Variants in ASIC2 observed in about 807,000 individuals in gnomAD.
ASIC2 encodes the protein acid-sensing ion channel 2.
Under a neutral mutation model 57.3 loss-of-function variants are expected in ASIC2, and 25 were observed. That is an observed-to-expected ratio of 0.44 (90% CI 0.32 to 0.61). The LOEUF (loss-of-function observed/expected upper bound fraction) is 0.61. Ranked by LOEUF, ASIC2 falls within the 20% of genes least tolerant of loss-of-function variation. ASIC2 has a pLI of 0.06. For synonymous variants in ASIC2, 319 were observed against 307.5 expected, an observed-to-expected ratio of 1.04 and a Z score of -0.39; for missense variants, 641 against 738.1, an observed-to-expected ratio of 0.87 and a Z score of 1.52.
At chr17:33,107,568 C>G (rs558413100) in intron 2 of ASIC2, among the ~76,000 whole-genome samples, 1 of 152,124 alleles carries the variant, frequency 6.6e-6, no homozygotes, top group Admixed American at 6.5e-5. Flanking sequence ...ATCACGGTGC[C>G]CCACATGAAG....
At chr17:33,088,573 A>AG (rs1023750693) in intron 3 of ASIC2, among the ~76,000 whole-genome samples, 15 of 152,060 alleles carry the variant, frequency 9.9e-5, no homozygotes, top group Admixed American at 3.3e-4. Context: ...AAAAAAAAAA[A>AG]ATTTTTTTTA....
chr17:33,748,538 C>T (rs1357508594), intron 1 of ASIC2, among the ~76,000 whole-genome samples: 1 of 152,128 alleles, frequency 6.6e-6, no homozygotes, highest in Non-Finnish European at 1.5e-5. Context: ...AAACAGAAAC[C>T]CAGACCCCAA....
In ASIC2 at chr17:33,955,802, T is replaced by C. The variant is rs549845873; in HGVS notation, c.555+200176A>G. ...AATAATCCCAACTGCTTATGTTTTT[T>C]CCTCCAGCCCAAGGGACAGTGGATG... On this transcript the variant is annotated intron_variant, in intron 1 of 9. Coordinates refer to the ASIC2 transcript ENST00000359872. Among the ~76,000 whole-genome samples the C allele has an allele frequency of 5.3e-5, 8 of 152,310 alleles. No individual in the cohort carries two copies. The South Asian group carries it at 6.2e-4, about 12-fold the overall frequency.
intron 1 of ASIC2, among the ~76,000 whole-genome samples, chr17:33,720,291 G>A (rs1909347734): frequency 6.6e-6 from 1 of 152,200 alleles, no homozygotes; most frequent in African/African-American, 2.4e-5. Flanking sequence ...TAAGAAGGCA[G>A]GAGGCTTTGA....
intron 1 of ASIC2, among the ~76,000 whole-genome samples, chr17:34,106,530 T>C (rs2142105840): frequency 6.6e-6 from 1 of 152,284 alleles, no homozygotes; most frequent in East Asian, 1.9e-4. Flanking sequence ...TGTATGCACC[T>C]ATTTATCAAT....
intron 1 of ASIC2, among the ~76,000 whole-genome samples, chr17:33,492,517 A>G (rs569456546): frequency 2.2e-3 from 329 of 152,370 alleles, no homozygotes; most frequent in Non-Finnish European, 3.6e-3. Context: ...ATAGAAACTC[A>G]GAAAATCACA....
chr17:33,930,722 G>C (rs1380026667), intron 1 of ASIC2, among the ~76,000 whole-genome samples: 1 of 152,218 alleles, frequency 6.6e-6, no homozygotes, highest in East Asian at 1.9e-4. Context: ...GAGCTTGGCA[G>C]TGGCCCCAGT....
chr17:33,807,138 T>A (rs2142150494), intron 1 of ASIC2, among the ~76,000 whole-genome samples: 1 of 152,168 alleles, frequency 6.6e-6, no homozygotes, highest in African/African-American at 2.4e-5. Flanking sequence ...GCCAGTCATC[T>A]CCCCTACAGG....
chr17:33,716,545 C>A (rs1909224801), intron 1 of ASIC2, among the ~76,000 whole-genome samples: 1 of 152,246 alleles, frequency 6.6e-6, no homozygotes, highest in Non-Finnish European at 1.5e-5. Flanking sequence ...TTGAAATGGA[C>A]TTACTGTCAT....
At chr17:33,166,251 G>A (rs1339309137) in intron 1 of ASIC2, among the ~76,000 whole-genome samples, 3 of 152,168 alleles carry the variant, frequency 2.0e-5, no homozygotes, top group Non-Finnish European at 4.4e-5. Flanking sequence ...GATTAAATAG[G>A]TAAATTAATG....
chr17:34,137,732 C>A (rs8071482), intron 1 of ASIC2, among the ~76,000 whole-genome samples: 32,101 of 152,022 alleles, frequency 0.21, 3,760 homozygotes, highest in South Asian at 0.36. Context: ...AAAGTGCTGG[C>A]AGATTCAGTG....
At chr17:33,901,412 G>A (rs1257465569) in intron 1 of ASIC2, among the ~76,000 whole-genome samples, 3 of 152,218 alleles carry the variant, frequency 2.0e-5, no homozygotes, top group Non-Finnish European at 1.5e-5. Context: ...TAAGGTGAGC[G>A]GGGCTCAGGT....
intron 1 of ASIC2, among the ~76,000 whole-genome samples, chr17:33,911,685 C>T (rs1026350580): frequency 6.6e-6 from 1 of 152,184 alleles, no homozygotes; most frequent in African/African-American, 2.4e-5. Context: ...ACAGCAGACC[C>T]AGGAGTTTGC....
chr17:33,225,169 G>A (rs185070260), intron 1 of ASIC2, among the ~76,000 whole-genome samples: 170 of 152,290 alleles, frequency 1.1e-3, no homozygotes, highest in South Asian at 3.9e-3. Context: ...TGGGGAAATC[G>A]TTGCATATGT....
In ASIC2 at chr17:34,086,553, G is replaced by A. The variant is rs928388540; in HGVS notation, c.555+69425C>T. Among the ~76,000 whole-genome samples the A allele has an allele frequency of 3.9e-5, 6 of 152,140 alleles. No individual in the cohort carries two copies. The East Asian group carries it at 1.2e-3, about 29-fold the overall frequency. On this transcript the variant is annotated intron_variant, in intron 1 of 9. Coordinates refer to the ASIC2 transcript ENST00000359872. ...GGAGAGTTCTGTAGATGTCTATTAGGTCCGCTTGGTGCAGAGCTGAGTTCA... is the reference window on the plus strand; with the variant it reads ...GGAGAGTTCTGTAGATGTCTATTAGATCCGCTTGGTGCAGAGCTGAGTTCA...
At chr17:33,559,455 TG>T (rs1172028212) in intron 1 of ASIC2, among the ~76,000 whole-genome samples, 1 of 152,074 alleles carries the variant, frequency 6.6e-6, no homozygotes, top group African/African-American at 2.4e-5. Flanking sequence ...AATGAAGAAC[TG>T]AAAAAAATGA....
chr17:33,791,382 G>C (rs1200284174), intron 1 of ASIC2, among the ~76,000 whole-genome samples: 1 of 152,186 alleles, frequency 6.6e-6, no homozygotes, highest in Non-Finnish European at 1.5e-5. Context: ...AGGCTATCAG[G>C]TTGGTAATGC....
intron 3 of ASIC2, among the ~76,000 whole-genome samples, chr17:33,073,967 CAG>C (rs1164144428): frequency 6.6e-6 from 1 of 152,122 alleles, no homozygotes; most frequent in Non-Finnish European, 1.5e-5. Flanking sequence ...GAGAGAACAA[CAG>C]AGAGAATAGC....
intron 7 of ASIC2, among the ~76,000 whole-genome samples, chr17:33,018,250 C>A (rs1400855619): frequency 6.6e-6 from 1 of 152,198 alleles, no homozygotes; most frequent in South Asian, 2.1e-4. Context: ...TATAGGCCCC[C>A]ATTATTCAAA....
Sources: allele counts gnomAD v4.1 joint callset (sites outside exome capture counted in the v4.1 genomes callset), GRCh38; gene constraint gnomAD v4.1.1; transcripts MANE v1.5; gene names NCBI Gene and HGNC (gene_info 2026-07-23, HGNC 2026-07-21).